The following IPCEF1 variants were observed in gnomAD, a reference collection of about 807,000 sequenced individuals.
The protein encoded by IPCEF1 is interactor protein for cytohesin exchange factors 1.
In IPCEF1, 31 loss-of-function variants were observed where a neutral mutation model predicts 50.9. The ratio of observed to expected loss-of-function variants is 0.61; its 90% CI spans 0.46 to 0.82. IPCEF1 has a LOEUF of 0.82. Ranked by LOEUF, IPCEF1 falls within the 40% of genes least tolerant of loss-of-function variation. The pLI, the probability that IPCEF1 is intolerant of heterozygous loss-of-function variation, is 0.00. For missense variants in IPCEF1, 458 were observed against 514.0 expected (o/e 0.89, Z 1.05); for synonymous variants, 181 against 192.0 (o/e 0.94, Z 0.47).
chr6:154,333,548 C>T (rs1446790601), intron 1 of IPCEF1, among the ~76,000 whole-genome samples: 1 of 150,682 alleles, frequency 6.6e-6, no homozygotes, highest in Non-Finnish European at 1.5e-5. Flanking sequence ...ATAAATTCCC[C>T]TTTATATATA....
At chr6:154,295,867 G>A (rs1003117291) in intron 1 of IPCEF1, among the ~76,000 whole-genome samples, 265 of 148,004 alleles carry the variant, frequency 1.8e-3, no homozygotes, top group African/African-American at 4.7e-3. Flanking sequence ...ATGTGCACAC[G>A]CACACACACA....
intron 2 of IPCEF1, among the ~76,000 whole-genome samples, chr6:154,271,060 A>G (rs1022965926): frequency 6.6e-6 from 1 of 151,956 alleles, no homozygotes; most frequent in African/African-American, 2.4e-5. Flanking sequence ...ATTTTCAGGC[A>G]TAAAAATATG....
At chr6:154,222,050 T>C (rs1778907578) in intron 6 of IPCEF1, among the ~76,000 whole-genome samples, 1 of 152,202 alleles carries the variant, frequency 6.6e-6, no homozygotes, top group South Asian at 2.1e-4. Flanking sequence ...CAATCAAATA[T>C]ACAGAAGAAT....
chr6:154,303,749 T>C, intron 1 of IPCEF1, among the ~76,000 whole-genome samples: 1 of 152,074 alleles, frequency 6.6e-6, no homozygotes, highest in East Asian at 1.9e-4. Flanking sequence ...AAGTGAGACC[T>C]TCTCTCTGCA....
In IPCEF1 at chr6:154,168,237, A is replaced by G. The variant is rs1799592609; in HGVS notation, c.911-124T>C. On this transcript the variant is annotated intron_variant, in intron 10 of 11. Coordinates refer to ENST00000367220, the MANE Select transcript of IPCEF1 (RefSeq NM_001130700.2). This position sits in a 1 kb window ranked among gnomAD's most constrained non-coding sequence, Gnocchi z 4.1. The stretch of plus-strand genomic sequence containing the variant: ...ACCCTCATCTCAGACTTCTCTCCGG[A>G]ACTGAAAGACAATAAATGTTTGCTG... 3.0e-6 allele frequency: 2 copies of G among 663,966 alleles called. No individual in the cohort carries two copies. The highest frequency in any genetic ancestry group is 4.9e-6 in the Non-Finnish European group (2 of 411,252). 41.1% of individuals were successfully genotyped at this position (663,966 alleles called of 1,614,324 possible). A position where few individuals can be genotyped will look rare whatever the true frequency, so the allele number is the denominator to read the frequency against.
chr6:154,223,084 C>T, intron 6 of IPCEF1, 86 bp downstream of exon 6: 2 of 1,084,250 alleles, frequency 1.8e-6, no homozygotes, highest in South Asian at 1.3e-5. Flanking sequence ...CCTTCACTCA[C>T]TTCTAAATCA....
chr6:154,303,439 T>A (rs771248612), intron 1 of IPCEF1, among the ~76,000 whole-genome samples: 3 of 152,188 alleles, frequency 2.0e-5, no homozygotes. Context: ...TACATATCCA[T>A]CAGCTCTCAG....
At chr6:154,246,906 G>A (rs1225193066) in intron 4 of IPCEF1, 146 bp from the exon 5 acceptor site, 12 of 595,056 alleles carry the variant, frequency 2.0e-5, no homozygotes, top group East Asian at 5.1e-5. Flanking sequence ...TTTATGCAAA[G>A]CCTATGCAAA....
At chr6:154,208,237 C>T (rs1240391294) in intron 9 of IPCEF1, among the ~76,000 whole-genome samples, 2 of 152,200 alleles carry the variant, frequency 1.3e-5, no homozygotes, top group Non-Finnish European at 2.9e-5. Context: ...TTGGTTCACC[C>T]CGCGTCAGCC....
At chr6:154,293,090 GC>G (rs1479066563) in intron 1 of IPCEF1, among the ~76,000 whole-genome samples, 2 of 152,156 alleles carry the variant, frequency 1.3e-5, no homozygotes, top group Non-Finnish European at 2.9e-5. Context: ...CAATCGCAGT[GC>G]TGTTTAGTTA....
intron 6 of IPCEF1, 101 bp downstream of exon 6, chr6:154,223,069 T>C (rs1778993026): frequency 3.3e-6 from 3 of 909,968 alleles, no homozygotes; most frequent in South Asian, 1.4e-5. Flanking sequence ...GACATTCCGA[T>C]GTTACCTTCA....
chr6:154,329,770 G>A (rs1470508660), intron 1 of IPCEF1, among the ~76,000 whole-genome samples: 6 of 151,704 alleles, frequency 4.0e-5, no homozygotes, highest in South Asian at 2.1e-4. Flanking sequence ...CAAACAGCTC[G>A]GCACTAGCTT....
In IPCEF1 at chr6:154,192,878, G is replaced by C. The variant is rs762220471; in HGVS notation, c.910+6790C>G. 4.8e-4 allele frequency among the ~76,000 whole-genome samples: 73 copies of C among 152,168 alleles called. 1 individual carries two copies. The highest frequency in any genetic ancestry group is 2.9e-3 in the Admixed American group (44 of 15,280). ...TAACTAAAAAATAATAGATGTTGGT[G>C]TGGAGGTGGTGAACAGGGATCACTT... On this transcript the variant is annotated intron_variant, in intron 10 of 11. Transcript: ENST00000367220.
chr6:154,297,083 T>G, intron 1 of IPCEF1, among the ~76,000 whole-genome samples: 1 of 152,092 alleles, frequency 6.6e-6, no homozygotes, highest in East Asian at 1.9e-4. Context: ...GGTCTCACTC[T>G]GTCACCCAGC....
intron 2 of IPCEF1, among the ~76,000 whole-genome samples, chr6:154,277,622 G>A (rs1782094842): frequency 6.6e-6 from 1 of 152,142 alleles, no homozygotes; most frequent in South Asian, 2.1e-4. Context: ...TTTCCAGGAA[G>A]CATTGGCTCT....
At chr6:154,163,062 G>C (rs1562517667) in intron 11 of IPCEF1, among the ~76,000 whole-genome samples, 1 of 152,300 alleles carries the variant, frequency 6.6e-6, no homozygotes, top group East Asian at 1.9e-4. Flanking sequence ...AGCAAAGGCT[G>C]ATGGTTCTAC....
intron 7 of IPCEF1, among the ~76,000 whole-genome samples, chr6:154,215,164 A>G (rs974016735): frequency 2.0e-5 from 3 of 152,200 alleles, no homozygotes; most frequent in African/African-American, 7.2e-5. Flanking sequence ...GGCAATGAAC[A>G]AGCCATGAAC....
chr6:154,356,622 C>G (rs1470260588), intron 1 of IPCEF1, 50 bp downstream of exon 1: 1 of 152,236 alleles, frequency 6.6e-6, no homozygotes, highest in Admixed American at 6.5e-5. Flanking sequence ...CCATCTTGAT[C>G]TGTCAAGCAG....
At chr6:154,317,577 C>CA (rs1255014321) in intron 1 of IPCEF1, among the ~76,000 whole-genome samples, 1 of 69,934 alleles carries the variant, frequency 1.4e-5, no homozygotes, top group African/African-American at 5.0e-5. Flanking sequence ...AAAAAAAAAG[C>CA]AAATGACTCA....
Sources: gnomAD v4.1 joint callset for allele counts (sites outside exome capture counted in the v4.1 genomes callset) on GRCh38, gnomAD v4.1.1 for gene constraint, Gnocchi (gnomAD v3.1) non-coding constraint, MANE v1.5 for transcripts, NCBI Gene and HGNC (gene_info 2026-07-23, HGNC 2026-07-21) for gene names.